The following HDGFL3 variants were observed in gnomAD, a reference collection of about 807,000 sequenced individuals.
The protein encoded by HDGFL3 is HDGF like 3, also known as hepatoma-derived growth factor-related protein 3.
HDGFL3 carries 6 observed loss-of-function variants against 27.6 expected under a neutral mutation model. The ratio of observed to expected loss-of-function variants is 0.22; its 90% confidence interval spans 0.12 to 0.43. The LOEUF (loss-of-function observed/expected upper bound fraction) is 0.43, where lower values mean the gene tolerates loss of function less well. Among genes scored for constraint, HDGFL3 ranks in the 20% least tolerant of loss-of-function variants. The probability of loss-of-function intolerance (pLI) is 1.00; values close to 1 mark genes in which losing one functional copy is unlikely to be tolerated. For missense variants in HDGFL3, 207 were observed against 250.1 expected (o/e 0.83, Z 1.16); for synonymous variants, 88 against 88.9 (o/e 0.99, Z 0.05).
In HDGFL3 at chr15:83,192,524, C is replaced by T. The variant is rs375028670; in HGVS notation, c.84+14807G>A. ...TCCCAATAAAATAAGAAAAAAGGCA[C>T]GATGAATGAGCTAATTGTAATATTT... On this transcript the variant is annotated intron_variant, in intron 1 of 5. Coordinates refer to ENST00000299633, the MANE Select transcript of HDGFL3 (RefSeq NM_016073.4). Among the ~76,000 whole-genome samples, 336 of 152,160 alleles carry T rather than the reference C, an allele frequency of 2.2e-3. 1 individual carries two copies. Among genetic ancestry groups the T allele is most frequent in the Admixed American group, 5.1e-3 (78 of 15,282 alleles).
intron 1 of HDGFL3, among the ~76,000 whole-genome samples, chr15:83,203,874 T>C (rs962041967): frequency 6.6e-6 from 1 of 151,196 alleles, no homozygotes; most frequent in Non-Finnish European, 1.5e-5. Context: ...ATATTAGTGA[T>C]GTATGCTCAA....
At chr15:83,180,485 A>T (rs749677184) in intron 1 of HDGFL3, among the ~76,000 whole-genome samples, 7 of 152,094 alleles carry the variant, frequency 4.6e-5, no homozygotes, top group Admixed American at 2.0e-4. Flanking sequence ...TGTTATAAAA[A>T]TGGATTTGGA....
At chr15:83,170,676 T>C (rs763994062) in intron 1 of HDGFL3, among the ~76,000 whole-genome samples, 2 of 152,142 alleles carry the variant, frequency 1.3e-5, no homozygotes, top group African/African-American at 2.4e-5. Context: ...AATTTATGAC[T>C]AAGTCCTTAA....
At chr15:83,115,090 C>T (rs2034535721) in exon 4 of HDGFL3, 1 of 154,322 alleles carries the variant, frequency 6.5e-6, no homozygotes, top group Admixed American at 6.4e-5. Context: ...GCTTGGGAAT[C>T]ATTGAGATGA....
intron 4 of HDGFL3, among the ~76,000 whole-genome samples, chr15:83,151,989 G>T (rs899135586): frequency 6.6e-6 from 1 of 152,206 alleles, no homozygotes; most frequent in Non-Finnish European, 1.5e-5. Context: ...ATGAACTCTA[G>T]AGGAAGATGA....
At chr15:83,112,919 A>T (rs1296743582) in exon 4 of HDGFL3, 1 of 1,558,504 alleles carries the variant, frequency 6.4e-7, no homozygotes. Flanking sequence ...CCACAAAGGG[A>T]AATCTTTTGT....
chr15:83,141,757 T>TA lies in HDGFL3; in HGVS notation c.607-2483dup, dbSNP rs1376788482. On this transcript the variant is annotated intron_variant, in intron 5 of 5. Coordinates refer to ENST00000299633, the MANE Select transcript of HDGFL3 (RefSeq NM_016073.4). ...AGCCACCAAACTTGGCCCCAATACT[T>TA]AAAGACTTTTCTGATGAGATAGGTA... Among the ~76,000 whole-genome samples, 6 of 152,276 alleles carry TA rather than the reference T, an allele frequency of 3.9e-5. No individual in the cohort carries two copies. The South Asian group carries it at 1.0e-3, about 26-fold the overall frequency.
At chr15:83,125,894 G>A (rs1160712445), downstream of HDGFL3, among the ~76,000 whole-genome samples, 1 of 152,190 alleles carries the variant, frequency 6.6e-6, no homozygotes, top group African/African-American at 2.4e-5. Context: ...GCTAACAGGA[G>A]GAGGGGCATG....
At chr15:83,116,559 C>T (rs757907079) in intron 3 of HDGFL3, among the ~76,000 whole-genome samples, 20 of 152,142 alleles carry the variant, frequency 1.3e-4, no homozygotes, top group Non-Finnish European at 2.5e-4. Context: ...TTTGTATGTA[C>T]GCTGTGGGAG....
At chr15:83,149,135 T>C (rs968648770) in intron 5 of HDGFL3, among the ~76,000 whole-genome samples, 2 of 152,188 alleles carry the variant, frequency 1.3e-5, no homozygotes, top group African/African-American at 4.8e-5. Context: ...CCTAGGCCAA[T>C]TCTTTCAGTC....
chr15:83,165,972 G>A (rs953783573), intron 1 of HDGFL3, among the ~76,000 whole-genome samples: 12 of 151,766 alleles, frequency 7.9e-5, no homozygotes, highest in African/African-American at 2.9e-4. Flanking sequence ...CCAAAACAAA[G>A]AATTACTGAC....
downstream of HDGFL3, chr15:83,126,755 A>G: frequency 1.2e-6 from 2 of 1,610,364 alleles, no homozygotes; most frequent in East Asian, 2.2e-5. Context: ...TTGTCCTTAG[A>G]TTGCTTTGGA....
At chr15:83,113,039 C>A in exon 4 of HDGFL3, 1 of 712,924 alleles carries the variant, frequency 1.4e-6, no homozygotes, top group East Asian at 2.7e-5. Context: ...TGTTTCAGGA[C>A]AATCTGGCCC....
intron 3 of HDGFL3, chr15:83,122,006 A>T: frequency 6.2e-7 from 1 of 1,605,818 alleles, no homozygotes; most frequent in Non-Finnish European, 8.5e-7. Context: ...CATTGTAGGT[A>T]AGAAACTTTA....
intron 1 of HDGFL3, among the ~76,000 whole-genome samples, chr15:83,174,841 T>A (rs889575595): frequency 5.3e-5 from 8 of 152,242 alleles, no homozygotes; most frequent in African/African-American, 1.9e-4. Flanking sequence ...AAGCTCTTCC[T>A]CTGCTATATA....
chr15:83,140,560 C>T (rs2036748940), intron 5 of HDGFL3, among the ~76,000 whole-genome samples: 1 of 148,544 alleles, frequency 6.7e-6, no homozygotes, highest in South Asian at 2.1e-4. Flanking sequence ...GAGCTCACTG[C>T]AACCTCCACC....
At chr15:83,204,057 A>G in intron 1 of HDGFL3, among the ~76,000 whole-genome samples, 1 of 149,216 alleles carries the variant, frequency 6.7e-6, no homozygotes, top group Non-Finnish European at 1.5e-5. Flanking sequence ...TAATGTTAGA[A>G]TAATACATCT....
intron 3 of HDGFL3, among the ~76,000 whole-genome samples, chr15:83,118,254 C>A (rs369251791): frequency 1.3e-5 from 2 of 151,510 alleles, no homozygotes; most frequent in Non-Finnish European, 2.9e-5. Flanking sequence ...CACACACACA[C>A]ACACACACAC....
Position 83,207,162 on chromosome 15 carries a change from T to G in HDGFL3, c.84+169A>C, listed in dbSNP as rs1052454755. ...GAGTGCGGGCGAGGCCGGGAGCCCTTGCCTCAGCCCCGGCCCGGTCTTCTT... is the reference window on the plus strand; with the variant it reads ...GAGTGCGGGCGAGGCCGGGAGCCCTGGCCTCAGCCCCGGCCCGGTCTTCTT... On this transcript the variant is annotated intron_variant, in intron 1 of 5. Coordinates refer to ENST00000299633, the MANE Select transcript of HDGFL3 (RefSeq NM_016073.4). This position sits in a 1 kb window ranked among gnomAD's most constrained non-coding sequence, Gnocchi z 4.8. 5.3e-5 allele frequency among the ~76,000 whole-genome samples: 8 copies of G among 152,136 alleles called. No individual in the cohort carries two copies. The highest frequency in any genetic ancestry group is 8.8e-5 in the Non-Finnish European group (6 of 68,010).
Sources: allele counts gnomAD v4.1 joint callset (sites outside exome capture counted in the v4.1 genomes callset), GRCh38; gene constraint gnomAD v4.1.1; non-coding constraint Gnocchi (gnomAD v3.1); transcripts MANE v1.5; gene names NCBI Gene and HGNC (gene_info 2026-07-23, HGNC 2026-07-21).